PCDHA9: variants seen among roughly 807,000 people sequenced by gnomAD.
PCDHA9 encodes protocadherin alpha-9.
A neutral mutation model predicts 62.0 loss-of-function variants in PCDHA9; 62 were observed. The observed-to-expected ratio is 1.00, with a 90% CI of 0.81 to 1.23. The LOEUF is 1.23. Among genes scored for constraint, PCDHA9 ranks in the 50% most tolerant of loss-of-function variants. The pLI is 0.00. For synonymous variants in PCDHA9, 557 were observed against 567.6 expected, an observed-to-expected ratio of 0.98 and a Z score of 0.27; for missense variants, 1,205 against 1,249.8, an observed-to-expected ratio of 0.96 and a Z score of 0.54.
At chr5:140,947,275 T>G (rs246050) in intron 1 of PCDHA9, among the ~76,000 whole-genome samples, 85,352 of 151,290 alleles carry the variant, frequency 0.56, 24,679 homozygotes, top group African/African-American at 0.69. Context: ...GAAAATACTT[T>G]TTCTTTTTAT....
chr5:140,977,712 T>C (rs2153814265), intron 1 of PCDHA9, among the ~76,000 whole-genome samples: 1 of 152,306 alleles, frequency 6.6e-6, no homozygotes, highest in South Asian at 2.1e-4. Context: ...AATATTGAGA[T>C]GGTGATCATT....
intron 1 of PCDHA9, among the ~76,000 whole-genome samples, chr5:140,890,162 A>G (rs1433054233): frequency 6.6e-6 from 1 of 152,184 alleles, no homozygotes; most frequent in Non-Finnish European, 1.5e-5. Context: ...TATTTCTGCC[A>G]CAGAAATAGG....
intron 1 of PCDHA9, chr5:140,857,428 G>C (rs782142394): frequency 1.9e-6 from 3 of 1,598,342 alleles, no homozygotes; most frequent in East Asian, 2.2e-5. Context: ...CCGAGTACAC[G>C]GTGTTCGTGA....
rs57893927 is a variant in PCDHA9 at position 140,946,631 on chromosome 5, T to TATATATATATATATATATATATATATAC, written c.2395-32317_2395-32316insTATATATATATATATATATATATATACA. On this transcript the variant is annotated intron_variant, in intron 1 of 3. Transcript: ENST00000532602. ...TGTGAAATATATATATATATATATA[T>TATATATATATATATATATATATATATAC]ACAATGGAATACTCATCAGCCATTA... Among the ~76,000 whole-genome samples the TATATATATATATATATATATATATATAC allele has an allele frequency of 2.1e-3, 277 of 131,730 alleles. 14 individuals carry two copies. Among genetic ancestry groups the TATATATATATATATATATATATATATAC allele is most frequent in the African/African-American group, 7.7e-3 (221 of 28,616 alleles). The allele number at this position is 131,730 out of a possible 152,430, so 86.4% of individuals were successfully genotyped here.
At chr5:140,949,371 C>G (rs932971788) in intron 1 of PCDHA9, among the ~76,000 whole-genome samples, 1 of 151,712 alleles carries the variant, frequency 6.6e-6, no homozygotes, top group African/African-American at 2.4e-5. Flanking sequence ...GTCTAGTTGT[C>G]CTATCAATTG....
intron 1 of PCDHA9, chr5:140,881,297 C>T: frequency 4.3e-6 from 4 of 940,924 alleles, no homozygotes; most frequent in Non-Finnish European, 5.1e-6. Flanking sequence ...AAAATGGAAA[C>T]TTTAACCTCC....
At chr5:140,942,527 AACTC>A (rs1420689882) in intron 1 of PCDHA9, among the ~76,000 whole-genome samples, 2 of 152,162 alleles carry the variant, frequency 1.3e-5, no homozygotes, top group Non-Finnish European at 2.9e-5. Flanking sequence ...GGAAGCAACT[AACTC>A]AGTATGGTGG....
chr5:140,921,233 T>C lies in PCDHA9; in HGVS notation c.2395-57716T>C, dbSNP rs1431130539. 2.6e-5 allele frequency among the ~76,000 whole-genome samples: 4 copies of C among 152,162 alleles called. No individual in the cohort carries two copies. The East Asian group carries it at 5.8e-4, about 22-fold the overall frequency. ...TTCACGTCTTTTTTGCTAGATGATATTAAGCCACAGATCAAAAAGTCCTAG... is the reference window on the plus strand; with the variant it reads ...TTCACGTCTTTTTTGCTAGATGATACTAAGCCACAGATCAAAAAGTCCTAG... On this transcript the variant is annotated intron_variant, in intron 1 of 3. Coordinates refer to ENST00000532602, the MANE Select transcript of PCDHA9 (RefSeq NM_031857.2).
intron 1 of PCDHA9, among the ~76,000 whole-genome samples, chr5:140,911,493 A>G (rs1157677496): frequency 6.6e-6 from 1 of 152,168 alleles, no homozygotes; most frequent in African/African-American, 2.4e-5. Context: ...CAATCTTAGC[A>G]GGTTTGAGGT....
At chr5:140,959,886 G>A (rs1171381497) in intron 1 of PCDHA9, among the ~76,000 whole-genome samples, 1 of 152,194 alleles carries the variant, frequency 6.6e-6, no homozygotes, top group Non-Finnish European at 1.5e-5. Flanking sequence ...GAATACACGA[G>A]TGGGATTTAT....
intron 1 of PCDHA9, among the ~76,000 whole-genome samples, chr5:140,940,904 GT>G (rs1437754574): frequency 6.6e-6 from 1 of 152,188 alleles, no homozygotes; most frequent in Non-Finnish European, 1.5e-5. Context: ...TTTAAATCAA[GT>G]TCAAGACTTG....
At chr5:140,925,971 A>C (rs2082843743) in intron 1 of PCDHA9, among the ~76,000 whole-genome samples, 1 of 152,190 alleles carries the variant, frequency 6.6e-6, no homozygotes, top group African/African-American at 2.4e-5. Flanking sequence ...ACGCAAAAAA[A>C]AAGCCTTGAG....
At chr5:140,967,780 T>C in intron 1 of PCDHA9, 1 of 1,614,214 alleles carries the variant, frequency 6.2e-7, no homozygotes, top group Non-Finnish European at 8.5e-7. Context: ...TGCAGGCGAC[T>C]GACCGGGGTC....
intron 1 of PCDHA9, among the ~76,000 whole-genome samples, chr5:140,942,639 G>C (rs923095335): frequency 1.3e-5 from 2 of 151,806 alleles, no homozygotes; most frequent in African/African-American, 2.4e-5. Flanking sequence ...AATGGCAAAA[G>C]AGATCTCATT....
rs80062832 is a variant in PCDHA9 at position 140,889,250 on chromosome 5, C to T, written c.2394+38361C>T. ...AAAACTTCCAGAAAATTTTCTGTTT[C>T]CTGTAAAAGTTTGTATAATCTTTGA... On this transcript the variant is annotated intron_variant, in intron 1 of 3. Transcript: ENST00000532602. Among the ~76,000 whole-genome samples, 79 of 151,798 alleles carry T rather than the reference C, an allele frequency of 5.2e-4. No homozygotes were observed. In the East Asian group the frequency reaches 0.014, roughly 27 times the overall value.
intron 1 of PCDHA9, chr5:140,877,773 G>A (rs1554170103): frequency 2.5e-6 from 4 of 1,614,166 alleles, no homozygotes; most frequent in South Asian, 2.2e-5. Flanking sequence ...CGCCCAAGAC[G>A]GACCTCATGG....
intron 1 of PCDHA9, among the ~76,000 whole-genome samples, chr5:140,974,549 T>C (rs373257165): frequency 6.6e-6 from 1 of 152,216 alleles, no homozygotes; most frequent in African/African-American, 2.4e-5. Context: ...TTTGCTCTTG[T>C]TGCCCAGGCT....
In PCDHA9 at chr5:140,857,009, G is replaced by T; in HGVS notation, c.2394+6120G>T. 2 of 1,596,020 alleles carry T rather than the reference G, an allele frequency of 1.3e-6. 1 individual carries two copies. The highest frequency in any genetic ancestry group is 1.7e-6 in the Non-Finnish European group (2 of 1,165,702). On this transcript the variant is annotated intron_variant, in intron 1 of 3. Transcript: ENST00000532602. ...TAACACTTATGAAATTCATGTAGAT[G>T]TTACAGATAAGGGAAACCCACCTAT...
At chr5:140,984,581 C>G (rs141574202) in intron 3 of PCDHA9, among the ~76,000 whole-genome samples, 5 of 152,158 alleles carry the variant, frequency 3.3e-5, no homozygotes, top group African/African-American at 1.2e-4. Context: ...GCAACCTAAT[C>G]ATACTTTTCA....
Sources: allele counts gnomAD v4.1 joint callset (sites outside exome capture counted in the v4.1 genomes callset), GRCh38; gene constraint gnomAD v4.1.1; transcripts MANE v1.5; gene names NCBI Gene and HGNC (gene_info 2026-07-23, HGNC 2026-07-21).